The following LRRC4C variants were observed in gnomAD, a reference collection of about 807,000 sequenced individuals.
LRRC4C encodes leucine rich repeat containing 4C, also known as leucine-rich repeat-containing protein 4C.
A neutral mutation model predicts 33.6 loss-of-function variants in LRRC4C; 5 were observed. The ratio of observed to expected loss-of-function variants is 0.15; its 90% confidence interval spans 0.08 to 0.31. The LOEUF is 0.31. LRRC4C is among the 10% of genes least tolerant of loss of function. The probability of loss-of-function intolerance (pLI) is 1.00; values close to 1 mark genes in which losing one functional copy is unlikely to be tolerated. For missense variants in LRRC4C, 560 were observed against 796.7 expected, an observed-to-expected ratio of 0.70 and a Z score of 3.58; for synonymous variants, 329 against 302.0, an observed-to-expected ratio of 1.09 and a Z score of -0.93.
intron 2 of LRRC4C, among the ~76,000 whole-genome samples, chr11:40,724,959 C>G (rs181844752): frequency 6.6e-6 from 1 of 152,128 alleles, no homozygotes; most frequent in South Asian, 2.1e-4. Flanking sequence ...CAAGACCCCA[C>G]GAATCTCACA....
rs1277770373 is a variant in LRRC4C at position 40,702,200 on chromosome 11, T to A, written c.-406-53922A>T. Reference sequence around the variant, plus strand: ...TATATATAATTTGTATTTTTACTGTTTATCAAGCAAGAGTATCAAAGAAAA... The same window carrying A: ...TATATATAATTTGTATTTTTACTGTATATCAAGCAAGAGTATCAAAGAAAA... On this transcript the variant is annotated intron_variant, in intron 2 of 6. Transcript: ENST00000528697. Among the ~76,000 whole-genome samples the A allele has an allele frequency of 2.0e-5, 3 of 152,078 alleles. No homozygotes were observed. The East Asian group carries it at 5.8e-4, about 29-fold the overall frequency.
At chr11:40,741,434 G>A (rs546116324) in intron 2 of LRRC4C, among the ~76,000 whole-genome samples, 19 of 152,076 alleles carry the variant, frequency 1.2e-4, no homozygotes, top group Admixed American at 5.2e-4. Flanking sequence ...CCTGAACAGC[G>A]CATTTTACTT....
At chr11:41,126,765 A>G (rs894906444) in intron 1 of LRRC4C, among the ~76,000 whole-genome samples, 1 of 151,962 alleles carries the variant, frequency 6.6e-6, no homozygotes, top group Non-Finnish European at 1.5e-5. Context: ...AGATGAAGGA[A>G]TATGTGGGGA....
intron 2 of LRRC4C, among the ~76,000 whole-genome samples, chr11:40,924,020 TA>T (rs141280522): frequency 0.061 from 9,232 of 151,876 alleles, 392 homozygotes; most frequent in Admixed American, 0.15. Flanking sequence ...TTAAAGGAAA[TA>T]AAGTCATTCC....
At chr11:40,159,125 CGTT>C (rs961786498) in intron 5 of LRRC4C, among the ~76,000 whole-genome samples, 5 of 151,996 alleles carry the variant, frequency 3.3e-5, no homozygotes, top group Non-Finnish European at 7.4e-5. Context: ...AAAATTTGGT[CGTT>C]GTTTTTTTTG....
At position 41,288,016 on chromosome 11, in the gene LRRC4C, A is replaced by G. The variant is rs142992080; in HGVS notation, c.-496+171415T>C. Among the ~76,000 whole-genome samples, 6 of 152,338 alleles carry G rather than the reference A, an allele frequency of 3.9e-5. No homozygotes were observed. In the East Asian group the frequency reaches 1.2e-3, roughly 29 times the overall value. ...GGGAGGTTCAGGACATATCCTAGGC[A>G]CATTAAATGCTGGGCCAGTTATTCA... On this transcript the variant is annotated intron_variant, in intron 1 of 6. Coordinates refer to ENST00000528697, the MANE Select transcript of LRRC4C (RefSeq NM_001258419.2).
At chr11:41,078,058 A>G (rs1939287547) in intron 1 of LRRC4C, among the ~76,000 whole-genome samples, 2 of 152,306 alleles carry the variant, frequency 1.3e-5, no homozygotes, top group Non-Finnish European at 2.9e-5. Context: ...AGTGTGACCT[A>G]CGTTTCAGTT....
chr11:40,605,049 C>A (rs1234545905), intron 3 of LRRC4C, among the ~76,000 whole-genome samples: 1 of 151,980 alleles, frequency 6.6e-6, no homozygotes, highest in East Asian at 1.9e-4. Context: ...AAACTAAAAG[C>A]AGCTGAAGTA....
intron 2 of LRRC4C, among the ~76,000 whole-genome samples, chr11:40,882,447 T>C (rs1000894551): frequency 6.6e-6 from 1 of 152,106 alleles, no homozygotes; most frequent in South Asian, 2.1e-4. Flanking sequence ...CCAAATACAT[T>C]AGGCTAGAAT....
intron 1 of LRRC4C, among the ~76,000 whole-genome samples, chr11:41,049,250 G>A (rs1004870209): frequency 1.3e-5 from 2 of 152,050 alleles, no homozygotes; most frequent in Admixed American, 6.6e-5. Context: ...TTTATAAGGG[G>A]TTTCCTTTTT....
At chr11:40,852,576 C>A (rs1245863207) in intron 2 of LRRC4C, among the ~76,000 whole-genome samples, 1 of 152,006 alleles carries the variant, frequency 6.6e-6, no homozygotes, top group Non-Finnish European at 1.5e-5. Context: ...TGTGTGTTAA[C>A]ATTTTAACAT....
chr11:40,748,589 C>T (rs1948540350), intron 2 of LRRC4C, among the ~76,000 whole-genome samples: 2 of 151,796 alleles, frequency 1.3e-5, no homozygotes, highest in African/African-American at 2.4e-5. Flanking sequence ...AAAGAAAATA[C>T]AAAAGAACCA....
At chr11:41,303,243 A>T (rs1950338980) in intron 1 of LRRC4C, among the ~76,000 whole-genome samples, 1 of 148,024 alleles carries the variant, frequency 6.8e-6, no homozygotes, top group Non-Finnish European at 1.5e-5. Flanking sequence ...GATTGCAGGC[A>T]CGCGCCGCCA....
chr11:40,861,374 A>C (rs189851766), intron 2 of LRRC4C, among the ~76,000 whole-genome samples: 315 of 152,272 alleles, frequency 2.1e-3, no homozygotes, highest in Non-Finnish European at 3.5e-3. Context: ...CTTGATAAGA[A>C]AGGTTTAGTC....
intron 3 of LRRC4C, among the ~76,000 whole-genome samples, chr11:40,476,204 T>C (rs1953212214): frequency 6.6e-6 from 1 of 152,120 alleles, no homozygotes; most frequent in South Asian, 2.1e-4. Context: ...GGTGTACACA[T>C]ACATGCCACA....
At chr11:41,148,427 A>G (rs749384254) in intron 1 of LRRC4C, among the ~76,000 whole-genome samples, 10 of 152,154 alleles carry the variant, frequency 6.6e-5, no homozygotes, top group Non-Finnish European at 1.3e-4. Flanking sequence ...AAAGATGCTC[A>G]AGATTATTTG....
intron 1 of LRRC4C, among the ~76,000 whole-genome samples, chr11:40,994,471 T>G (rs78740523): frequency 2.2e-4 from 33 of 152,218 alleles, no homozygotes; most frequent in African/African-American, 7.9e-4. Flanking sequence ...TAACATAGGG[T>G]GACGGTGATC....
intron 3 of LRRC4C, among the ~76,000 whole-genome samples, chr11:40,513,790 C>A (rs1228007260): frequency 6.6e-6 from 1 of 152,142 alleles, no homozygotes; most frequent in Non-Finnish European, 1.5e-5. Flanking sequence ...TACAGAAGTA[C>A]TTTCATTTCT....
intron 1 of LRRC4C, among the ~76,000 whole-genome samples, chr11:40,976,416 T>C (rs1431686282): frequency 2.0e-5 from 3 of 152,200 alleles, no homozygotes; most frequent in Admixed American, 2.0e-4. Flanking sequence ...GCATTTTCAG[T>C]GATGCCACAG....
Sources: allele counts gnomAD v4.1 joint callset (sites outside exome capture counted in the v4.1 genomes callset), GRCh38; gene constraint gnomAD v4.1.1; transcripts MANE v1.5; gene names NCBI Gene and HGNC (gene_info 2026-07-23, HGNC 2026-07-21).